DACT2: variants seen among roughly 807,000 people sequenced by gnomAD.
DACT2 encodes dishevelled binding antagonist of beta catenin 2, also known as dapper homolog 2.
DACT2 carries 20 observed loss-of-function variants against 22.2 expected under a neutral mutation model. The observed-to-expected ratio is 0.90, with a 90% confidence interval of 0.63 to 1.31. The LOEUF is 1.31. DACT2 is among the 50% of genes most tolerant of loss of function. The pLI, the probability that DACT2 is intolerant of heterozygous loss-of-function variation, is 0.00. For synonymous variants in DACT2, 463 were observed against 479.8 expected (o/e 0.96, Z 0.46); for missense variants, 1,048 against 1,061.4 (o/e 0.99, Z 0.18).
chr6:168,307,714 G>A lies in DACT2; in HGVS notation c.2043C>T (p.Thr681=). 2 of 1,550,050 alleles carry A rather than the reference G, an allele frequency of 1.3e-6. No individual in the cohort carries two copies. Among genetic ancestry groups the A allele is most frequent in the Middle Eastern group, 3.3e-4 (2 of 5,992 alleles). Residue 681 remains threonine, a synonymous_variant, in exon 4 of 4, where the codon ACC becomes ACT. Transcript: ENST00000366795. This position sits in a 1 kb window ranked among gnomAD's most constrained non-coding sequence, Gnocchi z 5.3. ...DPRFPSVIPE[T]SEGESSDHTT... ...TGTGGTCACTGGACTCTCCCTCGCTGGTCTCCGGGATGACTGACGGGAACC... is the reference window on the plus strand; with the variant it reads ...TGTGGTCACTGGACTCTCCCTCGCTAGTCTCCGGGATGACTGACGGGAACC...
chr6:168,294,755 A>T, intron 3 of DACT2: 1 of 910,552 alleles, frequency 1.1e-6, no homozygotes, highest in South Asian at 2.9e-5. Context: ...ACACACCTGC[A>T]GCTTCAACGA....
chr6:168,308,805 G>C lies in DACT2; in HGVS notation c.952C>G (p.Gln318Glu). Residue 318 changes from glutamine (Q) to glutamate (E), a missense_variant, in exon 4 of 4, where the codon CAG becomes GAG. Coordinates refer to ENST00000366795, the MANE Select transcript of DACT2 (RefSeq NM_214462.5). Reference protein sequence around the residue: ...PRGPAGLNTIQTGPVLEAGPA... With the variant: ...PRGPAGLNTIETGPVLEAGPA... ...CCAGCCTCGAGGACCGGCCCAGTCTGGATGGTGTTCAGACCTGCGGGGCCC... is the reference window on the plus strand; with the variant it reads ...CCAGCCTCGAGGACCGGCCCAGTCTCGATGGTGTTCAGACCTGCGGGGCCC... The C allele has an allele frequency of 6.4e-7, 1 of 1,551,484 alleles. No homozygotes were observed. Among genetic ancestry groups the C allele is most frequent in the Non-Finnish European group, 8.7e-7 (1 of 1,147,010 alleles).
At chr6:168,313,563 AG>A (rs1162301715) in intron 1 of DACT2, among the ~76,000 whole-genome samples, 1 of 152,178 alleles carries the variant, frequency 6.6e-6, no homozygotes, top group African/African-American at 2.4e-5. Context: ...CTATGCAAAG[AG>A]GAAGCCTGGA....
chr6:168,296,763 T>G (rs1466458), intron 3 of DACT2, among the ~76,000 whole-genome samples: 1 of 152,222 alleles, frequency 6.6e-6, no homozygotes, highest in East Asian at 1.9e-4. Flanking sequence ...AAATACAACT[T>G]TTTAAAACCC....
In DACT2 at chr6:168,308,713, C is replaced by T. The variant is rs767045985; in HGVS notation, c.1044G>A (p.Lys348=). ...LHLWGRETPA[K]GSEGEQGPLR... The stretch of plus-strand genomic sequence containing the variant: ...GAGGTCCCTGTTCTCCCTCGCTACC[C>T]TTTGCTGGGGTCTCCCGGCCCCACA... The change falls in exon 4 of 4, where the codon AAG becomes AAA. Residue 348 remains lysine, a synonymous_variant. Transcript: ENST00000366795. The T allele has an allele frequency of 6.5e-7, 1 of 1,549,746 alleles. No homozygotes were observed. Among genetic ancestry groups the T allele is most frequent in the South Asian group, 1.2e-5 (1 of 84,062 alleles).
chr6:168,294,573 G>GTGTGTGTGTATATATATATA (rs1778973905), intron 4 of DACT2: 1 of 441,130 alleles, frequency 2.3e-6, no homozygotes, highest in African/African-American at 4.8e-5. Flanking sequence ...GTGTGTGTGT[G>GTGTGTGTGTATATATATATA]TGTGTATATA....
intron 3 of DACT2, among the ~76,000 whole-genome samples, chr6:168,309,601 G>T (rs1194827412): frequency 6.6e-6 from 1 of 152,210 alleles, no homozygotes; most frequent in Non-Finnish European, 1.5e-5. Flanking sequence ...AAGAGGCCCC[G>T]CAGCAGTGGG....
Position 168,293,975 on chromosome 6 carries a change from A to G in DACT2, c.796-34T>C, listed in dbSNP as rs57129832. 2.8e-3 allele frequency: 1,994 copies of G among 703,296 alleles called. 20 individuals carry two copies. The African/African-American group carries it at 0.029, about 10-fold the overall frequency. 43.6% of individuals were successfully genotyped at this position (703,296 alleles called of 1,614,324 possible). A position where few individuals can be genotyped will look rare whatever the true frequency, so the allele number is the denominator to read the frequency against. On this transcript the variant is annotated intron_variant, in intron 5 of 5. Coordinates refer to the DACT2 transcript ENST00000366796. Reference sequence around the variant, plus strand: ...GACGTCCCCAGGGATGACAGAGATTACTTGTGAGTAGAGGAGGTCCATCCA... The same window carrying G: ...GACGTCCCCAGGGATGACAGAGATTGCTTGTGAGTAGAGGAGGTCCATCCA...
intron 3 of DACT2, chr6:168,300,238 A>G (rs1356231014): frequency 6.6e-6 from 1 of 152,402 alleles, no homozygotes. Flanking sequence ...GACAAGGGCG[A>G]TGGGTGGGTC....
chr6:168,293,884 T>A, exon 6 of DACT2: 1 of 703,374 alleles, frequency 1.4e-6, no homozygotes, highest in East Asian at 2.7e-5. Context: ...CAGCTTGGTG[T>A]AGTGCTCTGT....
intron 3 of DACT2, among the ~76,000 whole-genome samples, chr6:168,296,031 CACGGAAAGAGCAG>C (rs1779002001): frequency 6.7e-6 from 1 of 149,326 alleles, no homozygotes; most frequent in African/African-American, 2.5e-5. Flanking sequence ...CACCCGGAAT[CACGGAAAGAGCAG>C]ATCCATCCAC....
At chr6:168,309,399 C>CACCGCACAGGGCCGTTT (rs1395481143) in intron 3 of DACT2, among the ~76,000 whole-genome samples, 1 of 151,898 alleles carries the variant, frequency 6.6e-6, no homozygotes, top group Admixed American at 6.6e-5. Context: ...TGCATCTAGA[C>CACCGCACAGGGCCGTTT]ACCGCACAGG....
intron 3 of DACT2, chr6:168,300,435 G>A (rs1438081446): frequency 2.6e-5 from 4 of 152,202 alleles, no homozygotes; most frequent in African/African-American, 4.8e-5. Context: ...GCATTTGCAG[G>A]AACAAACATT....
In DACT2 at chr6:168,306,930, T is replaced by A. The variant is rs1444286361; in HGVS notation, c.*502A>T. The A allele has an allele frequency of 1.0e-6, 1 of 990,054 alleles. No individual in the cohort carries two copies. 61.3% of individuals were successfully genotyped at this position (990,054 alleles called of 1,614,324 possible). ...TAAAAGAGGGAAAAAAAATGTTCCT[T>A]TTATTTGAGATCATGGCATAATTTG... On this transcript the variant is annotated 3_prime_UTR_variant, in exon 4 of 4. Coordinates refer to ENST00000366795, the MANE Select transcript of DACT2 (RefSeq NM_214462.5).
At chr6:168,298,404 AAT>A (rs1181544860) in intron 3 of DACT2, 1 of 152,252 alleles carries the variant, frequency 6.6e-6, no homozygotes, top group East Asian at 1.9e-4. Flanking sequence ...CAAAATTTTA[AAT>A]ATGTTTTTGA....
chr6:168,311,631 TCC>T (rs1779420225), intron 1 of DACT2, among the ~76,000 whole-genome samples: 1 of 97,504 alleles, frequency 1.0e-5, no homozygotes, highest in African/African-American at 4.1e-5. Context: ...CACACACCCA[TCC>T]ACACACACAC....
intron 3 of DACT2, chr6:168,298,669 T>C (rs1230450569): frequency 6.6e-6 from 1 of 152,252 alleles, no homozygotes; most frequent in African/African-American, 2.4e-5. Context: ...GCGTAGCTAC[T>C]GTGGAGATTA....
chr6:168,306,734 G>A (rs963832453), downstream of DACT2, among the ~76,000 whole-genome samples: 1 of 152,120 alleles, frequency 6.6e-6, no homozygotes, highest in African/African-American at 2.4e-5. Flanking sequence ...ACAGGCGTGA[G>A]CCACCACGCC....
At chr6:168,303,267 T>A (rs1176959114), downstream of DACT2, among the ~76,000 whole-genome samples, 1 of 152,204 alleles carries the variant, frequency 6.6e-6, no homozygotes, top group Non-Finnish European at 1.5e-5. Context: ...GGTTTGCGTG[T>A]GGTTTGTCTC....
Sources: allele counts gnomAD v4.1 joint callset (sites outside exome capture counted in the v4.1 genomes callset), GRCh38; gene constraint gnomAD v4.1.1; non-coding constraint Gnocchi (gnomAD v3.1); transcripts MANE v1.5; gene names NCBI Gene and HGNC (gene_info 2026-07-23, HGNC 2026-07-21).